Variants in POGLUT1 observed in about 807,000 individuals in gnomAD.
POGLUT1 encodes the protein protein O-glucosyltransferase 1.
Under a neutral mutation model 61.3 loss-of-function variants are expected in POGLUT1, and 32 were observed. The ratio of observed to expected loss-of-function variants is 0.52; its 90% confidence interval spans 0.39 to 0.70. The LOEUF is 0.70. POGLUT1 is among the 30% of genes least tolerant of loss of function. The pLI is 0.00. For missense variants in POGLUT1, 411 were observed against 469.8 expected (o/e 0.87, Z 1.16); for synonymous variants, 158 against 158.2 (o/e 1.00, Z 0.01).
At chr3:119,474,557 C>T (rs999868769) in intron 3 of POGLUT1, among the ~76,000 whole-genome samples, 3 of 152,026 alleles carry the variant, frequency 2.0e-5, no homozygotes, top group African/African-American at 7.3e-5. Context: ...CAAATGTGGC[C>T]GGGCATGGTG....
rs1477476905 is a variant in POGLUT1, at chr3:119,477,451, A to G, written c.456+3A>G. ...TCCCAGTCTTCTCCTTCAGTAAGGTAAGTACAGGGAGAGCCACATGGGTGG... is the reference window on the plus strand; with the variant it reads ...TCCCAGTCTTCTCCTTCAGTAAGGTGAGTACAGGGAGAGCCACATGGGTGG... On this transcript the variant is annotated splice_donor_region_variant and intron_variant, in intron 4 of 10. Coordinates refer to ENST00000295588, the MANE Select transcript of POGLUT1 (RefSeq NM_152305.3). 4 of 1,613,596 alleles carry G rather than the reference A, an allele frequency of 2.5e-6. No individual in the cohort carries two copies. The Admixed American group carries it at 5.0e-5, about 20-fold the overall frequency.
At chr3:119,483,572 T>C (rs963914290) in intron 5 of POGLUT1, among the ~76,000 whole-genome samples, 8 of 152,230 alleles carry the variant, frequency 5.3e-5, no homozygotes, top group African/African-American at 1.9e-4. Context: ...CATAGTGAAG[T>C]GCTATATAGA....
intron 5 of POGLUT1, among the ~76,000 whole-genome samples, chr3:119,484,952 C>T (rs1486756269): frequency 6.6e-6 from 1 of 152,192 alleles, no homozygotes; most frequent in Non-Finnish European, 1.5e-5. Flanking sequence ...CACAGTGGCT[C>T]ACGCCTGTAA....
chr3:119,491,608 C>G lies in POGLUT1; in HGVS notation c.1022+34C>G, dbSNP rs768596349. On this transcript the variant is annotated intron_variant, in intron 10 of 10. Transcript: ENST00000295588. Reference sequence around the variant, plus strand: ...TGTTCATTTTCCCTTTTCCACTTTACTTTTTGTCATCCCCATTATGCCCTA... The same window carrying G: ...TGTTCATTTTCCCTTTTCCACTTTAGTTTTTGTCATCCCCATTATGCCCTA... 5 of 1,266,194 alleles carry G rather than the reference C, an allele frequency of 3.9e-6. No homozygotes were observed. The Admixed American group carries it at 9.8e-5, about 25-fold the overall frequency. 78.4% of individuals were successfully genotyped at this position (1,266,194 alleles called of 1,614,324 possible).
At chr3:119,474,795 C>T (rs2049756) in intron 3 of POGLUT1, among the ~76,000 whole-genome samples, 67,934 of 151,946 alleles carry the variant, frequency 0.45, 15,785 homozygotes, top group East Asian at 0.63. Context: ...GCTAAGACCA[C>T]GCCATTACAC....
intron 3 of POGLUT1, among the ~76,000 whole-genome samples, chr3:119,474,339 T>C (rs915879809): frequency 6.6e-6 from 1 of 152,180 alleles, no homozygotes; most frequent in Non-Finnish European, 1.5e-5. Flanking sequence ...TGATAAGTCT[T>C]CATGTATGTT....
chr3:119,472,612 A>C (rs2081488310), intron 3 of POGLUT1, among the ~76,000 whole-genome samples: 1 of 152,188 alleles, frequency 6.6e-6, no homozygotes, highest in African/African-American at 2.4e-5. Flanking sequence ...GCTACTCAGG[A>C]GGCTGAGGCA....
Position 119,492,482 on chromosome 3 carries a change from A to C in POGLUT1, c.*44A>C. The C allele has an allele frequency of 5.5e-4, 738 of 1,335,816 alleles. No individual in the cohort carries two copies. The highest frequency in any genetic ancestry group is 7.2e-4 in the Non-Finnish European group (691 of 965,948). The allele number at this position is 1,335,816 out of a possible 1,614,324, so 82.7% of individuals were successfully genotyped here. ...AGTCCTCTTTGTGGCAACAGATCTCAGATATCCTACGGTGAGAAGCTTACC... is the reference window on the plus strand; with the variant it reads ...AGTCCTCTTTGTGGCAACAGATCTCCGATATCCTACGGTGAGAAGCTTACC... On this transcript the variant is annotated 3_prime_UTR_variant, in exon 11 of 11. Coordinates refer to ENST00000295588, the MANE Select transcript of POGLUT1 (RefSeq NM_152305.3).
chr3:119,478,639 G>T (rs2081569299), intron 4 of POGLUT1, among the ~76,000 whole-genome samples: 1 of 152,140 alleles, frequency 6.6e-6, no homozygotes, highest in Non-Finnish European at 1.5e-5. Flanking sequence ...CAACTTTATA[G>T]TTAATTGTGC....
chr3:119,475,705 C>T (rs1359938099), intron 3 of POGLUT1, among the ~76,000 whole-genome samples: 2 of 151,586 alleles, frequency 1.3e-5, no homozygotes, highest in East Asian at 1.9e-4. Context: ...CCTAGCTACT[C>T]GGGAGGCTGA....
At chr3:119,490,462 A>T (rs2081729819) in intron 8 of POGLUT1, 89 bp from the exon 9 acceptor site, 3 of 1,083,342 alleles carry the variant, frequency 2.8e-6, no homozygotes, top group Non-Finnish European at 4.2e-6. Flanking sequence ...TCATAAAAGG[A>T]AAGAAGGGGA....
At chr3:119,481,563 G>A (rs1399862362) in intron 5 of POGLUT1, among the ~76,000 whole-genome samples, 1 of 152,224 alleles carries the variant, frequency 6.6e-6, no homozygotes, top group African/African-American at 2.4e-5. Flanking sequence ...GTACAGGGCT[G>A]CAGTCCTCAG....
intron 2 of POGLUT1, among the ~76,000 whole-genome samples, chr3:119,470,926 A>T (rs1294699171): frequency 2.6e-5 from 4 of 152,200 alleles, no homozygotes; most frequent in African/African-American, 9.7e-5. Context: ...AGACCAGAAC[A>T]AGAGAGTCAG....
At position 119,468,969 on chromosome 3, in the gene POGLUT1, G is replaced by GGCCGCGCTTCCGCCAGC. The variant is rs1560027917; in HGVS notation, c.-47_-31dup. 6.7e-7 allele frequency: 1 copy of GGCCGCGCTTCCGCCAGC among 1,491,346 alleles called. No individual in the cohort carries two copies. Among genetic ancestry groups the GGCCGCGCTTCCGCCAGC allele is most frequent in the Non-Finnish European group, 9.1e-7 (1 of 1,093,146 alleles). The allele number at this position is 1,491,346 out of a possible 1,614,324, so 92.4% of individuals were successfully genotyped here. ...CGGCTCCCGGGCCATCTTTGTGCGG[G>GGCCGCGCTTCCGCCAGC]GCCGCGCTTCCGCCAGCGCCGCAGC... On this transcript the variant is annotated 5_prime_UTR_variant, in exon 1 of 11. Coordinates refer to ENST00000295588, the MANE Select transcript of POGLUT1 (RefSeq NM_152305.3).
intron 2 of POGLUT1, among the ~76,000 whole-genome samples, chr3:119,470,298 G>A (rs965525445): frequency 2.6e-5 from 4 of 152,170 alleles, no homozygotes; most frequent in African/African-American, 9.7e-5. Flanking sequence ...ACATCAGGCT[G>A]GGCATGGTGG....
At chr3:119,477,840 C>T (rs980738567) in intron 4 of POGLUT1, among the ~76,000 whole-genome samples, 2 of 152,144 alleles carry the variant, frequency 1.3e-5, no homozygotes, top group Non-Finnish European at 2.9e-5. Context: ...TATATTCAGC[C>T]ATAGTGCTGG....
At chr3:119,476,073 T>C (rs991077550) in intron 3 of POGLUT1, among the ~76,000 whole-genome samples, 9 of 152,006 alleles carry the variant, frequency 5.9e-5, no homozygotes, top group Middle Eastern at 3.4e-3. Flanking sequence ...AGAAGATTGC[T>C]TGAGCCTAGG....
chr3:119,484,171 A>C (rs570048404), intron 5 of POGLUT1, among the ~76,000 whole-genome samples: 1 of 152,200 alleles, frequency 6.6e-6, no homozygotes, highest in Non-Finnish European at 1.5e-5. Context: ...AGGATGAGCC[A>C]CGTTGGCTGA....
At chr3:119,470,948 A>ATT (rs1461055871) in intron 2 of POGLUT1, among the ~76,000 whole-genome samples, 1 of 152,220 alleles carries the variant, frequency 6.6e-6, no homozygotes, top group East Asian at 1.9e-4. Flanking sequence ...GCTAGACTGT[A>ATT]AGGCGTAAAC....
Sources: allele counts gnomAD v4.1 joint callset (sites outside exome capture counted in the v4.1 genomes callset), GRCh38; gene constraint gnomAD v4.1.1; transcripts MANE v1.5; gene names NCBI Gene and HGNC (gene_info 2026-07-23, HGNC 2026-07-21).